The following ARAP1 variants were observed in gnomAD, a reference collection of about 807,000 sequenced individuals.
The protein encoded by ARAP1 is ArfGAP with RhoGAP domain, ankyrin repeat and PH domain 1.
Under a neutral mutation model 172.2 loss-of-function variants are expected in ARAP1, and 76 were observed. The observed-to-expected ratio is 0.44, with a 90% CI of 0.37 to 0.53. The LOEUF (loss-of-function observed/expected upper bound fraction) is 0.53, where lower values mean the gene tolerates loss of function less well. Among genes scored for constraint, ARAP1 ranks in the 20% least tolerant of loss-of-function variants. The pLI is 0.00. For synonymous variants in ARAP1, 804 were observed against 803.3 expected (o/e 1.00, Z -0.01); for missense variants, 1,686 against 1,977.5 (o/e 0.85, Z 2.80).
Position 72,693,735 on chromosome 11 carries a change from C to T in ARAP1, c.3765G>A (p.Val1255=), listed in dbSNP as rs760681026. ...CCTCCATGGCCTGGTGCTTCTTCACCACCAGGTGGCTGTCCGTGCCCAGCC... is the reference window on the plus strand; with the variant it reads ...CCTCCATGGCCTGGTGCTTCTTCACTACCAGGTGGCTGTCCGTGCCCAGCC... ...LHGLGTDSHL[V]VKKHQAMEAM... is the part of the protein sequence containing the mutation. The change falls in exon 28 of 35, where the codon GTG becomes GTA. Residue 1255 remains valine (V), a synonymous_variant. Coordinates refer to ENST00000393609, the MANE Select transcript of ARAP1 (RefSeq NM_001040118.3). This position sits in a 1 kb window ranked among gnomAD's most constrained non-coding sequence, Gnocchi z 4.6. 25 of 1,610,962 alleles carry T rather than the reference C, an allele frequency of 1.6e-5. No individual in the cohort carries two copies. The highest frequency in any genetic ancestry group is 4.0e-5 in the African/African-American group (3 of 74,846).
intron 1 of ARAP1, among the ~76,000 whole-genome samples, chr11:72,743,048 C>T (rs1858249274): frequency 6.6e-6 from 1 of 152,210 alleles, no homozygotes; most frequent in Admixed American, 6.5e-5. Flanking sequence ...ACCACTCTAT[C>T]CTAAAAAGCA....
chr11:72,693,921 G>A lies in ARAP1; in HGVS notation c.3695-116C>T. On this transcript the variant is annotated intron_variant, in intron 27 of 34. Transcript: ENST00000393609. The surrounding 1 kb of genome is among the most constrained non-coding windows in gnomAD (Gnocchi z 4.6). ...CTGTCCACTCCAACCATATGCAAGT[G>A]CCACGACACAAAACACCACCATCAT... 1.3e-6 allele frequency: 1 copy of A among 777,396 alleles called. No homozygotes were observed. The highest frequency in any genetic ancestry group is 2.9e-5 in the East Asian group (1 of 34,596). The allele number at this position is 777,396 out of a possible 1,614,324, so 48.2% of individuals were successfully genotyped here. A position where few individuals can be genotyped will look rare whatever the true frequency, so the allele number is the denominator to read the frequency against.
intron 2 of ARAP1, among the ~76,000 whole-genome samples, chr11:72,731,078 A>G (rs1857852818): frequency 1.3e-5 from 2 of 152,226 alleles, no homozygotes. Context: ...TGAACAAAGT[A>G]TCTCTGAAAA....
intron 12 of ARAP1, among the ~76,000 whole-genome samples, chr11:72,706,544 A>G (rs1352060166): frequency 6.6e-6 from 1 of 152,078 alleles, no homozygotes; most frequent in Non-Finnish European, 1.5e-5. Flanking sequence ...CTTGGGCTCA[A>G]CCCTCTCGCA....
intron 3 of ARAP1, among the ~76,000 whole-genome samples, chr11:72,720,335 A>C (rs1393036766): frequency 1.3e-5 from 2 of 151,810 alleles, no homozygotes; most frequent in Non-Finnish European, 2.9e-5. Flanking sequence ...TTCCTCCTCC[A>C]TCATGAGACC....
At chr11:72,736,891 G>A (rs1160514586) in intron 1 of ARAP1, among the ~76,000 whole-genome samples, 1 of 152,160 alleles carries the variant, frequency 6.6e-6, no homozygotes. Flanking sequence ...CCCCCAGCCA[G>A]GCTGGGCTGG....
At position 72,685,100 on chromosome 11, in the gene ARAP1, T is replaced by C. The variant is rs1855618908; in HGVS notation, c.*564A>G. 6.5e-6 allele frequency: 1 copy of C among 154,872 alleles called. No homozygotes were observed. The highest frequency in any genetic ancestry group is 2.4e-5 in the African/African-American group (1 of 41,418). The allele number at this position is 154,872 out of a possible 1,614,324, so 9.6% of individuals were successfully genotyped here. On this transcript the variant is annotated 3_prime_UTR_variant, in exon 35 of 35. Transcript: ENST00000393609. ...AAAATATACAGATATATTTATATTATCAAAAAGTCCCCAAATTGGGGAAGG... is the reference window on the plus strand; with the variant it reads ...AAAATATACAGATATATTTATATTACCAAAAAGTCCCCAAATTGGGGAAGG...
chr11:72,711,266 C>G (rs1857000323), intron 8 of ARAP1, 125 bp from the exon 9 acceptor site: 2 of 1,499,618 alleles, frequency 1.3e-6, no homozygotes, highest in East Asian at 2.3e-5. Flanking sequence ...TGTGCTGACC[C>G]TGACTGCAGC....
At chr11:72,711,577 C>T (rs1452030842) in intron 7 of ARAP1, 78 bp from the exon 8 acceptor site, 1 of 1,261,330 alleles carries the variant, frequency 7.9e-7, no homozygotes, top group Non-Finnish European at 1.1e-6. Context: ...CCCTCAGAAG[C>T]CACACTCAGA....
In ARAP1 at chr11:72,742,835, C is replaced by T. The variant is rs116198066; in HGVS notation, c.-128+9493G>A. On this transcript the variant is annotated intron_variant, in intron 1 of 34. Transcript: ENST00000393609. ...AGATCTCAAATCTGATCAGTTCTCA[C>T]TCCCCAGTGACTTGCCACCTCCCTC... is the stretch of plus-strand genomic sequence containing the variant. Among the ~76,000 whole-genome samples the T allele has an allele frequency of 7.7e-3, 1,176 of 152,316 alleles. 9 individuals are homozygous for T. Among genetic ancestry groups the T allele is most frequent in the African/African-American group, 0.027 (1,119 of 41,560 alleles).
chr11:72,696,103 C>T (rs1319601375), intron 23 of ARAP1, among the ~76,000 whole-genome samples: 1 of 151,002 alleles, frequency 6.6e-6, no homozygotes, highest in Non-Finnish European at 1.5e-5. Flanking sequence ...CAGTGGTCCC[C>T]AACAGTTCTG....
intron 1 of ARAP1, among the ~76,000 whole-genome samples, chr11:72,750,962 A>G (rs753690116): frequency 4.1e-4 from 63 of 152,248 alleles, no homozygotes; most frequent in Non-Finnish European, 8.1e-4. Context: ...GAGGATTAAC[A>G]ATCTGTACAA....
Position 72,699,009 on chromosome 11 carries a change from G to C in ARAP1, c.2537C>G (p.Ala846Gly), listed in dbSNP as rs993049774. 6.2e-7 allele frequency: 1 copy of C among 1,614,044 alleles called. No individual in the cohort carries two copies. The highest frequency in any genetic ancestry group is 8.5e-7 in the Non-Finnish European group (1 of 1,179,984). ...EQAHEWVKCI[A>G]KAFVPPLAED... Reference sequence around the variant, plus strand: ...ACCCTGCTACCCCAGGCTCACCTTAGCAATACACTTGACCCACTCATGAGC... The same window carrying C: ...ACCCTGCTACCCCAGGCTCACCTTACCAATACACTTGACCCACTCATGAGC... The change falls in exon 18 of 35, where the codon GCT becomes GGT. Residue 846 changes from alanine (A) to glycine (G), a missense_variant. Coordinates refer to ENST00000393609, the MANE Select transcript of ARAP1 (RefSeq NM_001040118.3). The surrounding 1 kb of genome is among the most constrained non-coding windows in gnomAD (Gnocchi z 4.2).
Position 72,709,956 on chromosome 11 carries a change from G to T in ARAP1, c.1437C>A (p.Gly479=), listed in dbSNP as rs140252163. The T allele has an allele frequency of 4.3e-5, 70 of 1,614,100 alleles. No homozygotes were observed. The African/African-American group carries it at 8.3e-4, about 19-fold the overall frequency. Residue 479 remains glycine (G), a synonymous_variant, in exon 11 of 35, where the codon GGC becomes GGA. Coordinates refer to ENST00000393609, the MANE Select transcript of ARAP1 (RefSeq NM_001040118.3). ...CCACGCTCATGTCGATGAAGGTGAT[G>T]CCAATGCCCAGGTGGTACTCCTGGA... ...KNLEEYHLGI[G]ITFIDMSVGN... is the part of the protein sequence containing the mutation.
chr11:72,738,290 T>A (rs2135586437), intron 1 of ARAP1, among the ~76,000 whole-genome samples: 1 of 152,316 alleles, frequency 6.6e-6, no homozygotes, highest in Middle Eastern at 3.4e-3. Flanking sequence ...CATAGTCTGC[T>A]GACCGTGTGG....
chr11:72,696,799 G>A, intron 22 of ARAP1, 145 bp from the exon 23 acceptor site: 1 of 932,024 alleles, frequency 1.1e-6, no homozygotes, highest in Non-Finnish European at 1.6e-6. Flanking sequence ...ACCAGGGTAA[G>A]GAACTCTCGG....
At chr11:72,691,236 A>G (rs1855920137) in intron 30 of ARAP1, among the ~76,000 whole-genome samples, 1 of 152,242 alleles carries the variant, frequency 6.6e-6, no homozygotes, top group African/African-American at 2.4e-5. Flanking sequence ...AACAGTAGTA[A>G]GGATTCCATG....
intron 19 of ARAP1, 43 bp downstream of exon 19, chr11:72,697,868 T>C: frequency 1.3e-6 from 2 of 1,521,898 alleles, no homozygotes; most frequent in Non-Finnish European, 1.8e-6. Flanking sequence ...GAGCCCAGGA[T>C]AGGGTGCCCT....
Position 72,693,191 on chromosome 11 carries a change from A to C in ARAP1, c.3954+134T>G. ...AGCAGGAGGGGTCTTGAGAGTCTAC[A>C]GTTCTCCCCCACTGCTGTGCCATCC... On this transcript the variant is annotated intron_variant, in intron 29 of 34. Coordinates refer to ENST00000393609, the MANE Select transcript of ARAP1 (RefSeq NM_001040118.3). The surrounding 1 kb of genome is among the most constrained non-coding windows in gnomAD (Gnocchi z 4.6). 1.5e-6 allele frequency: 2 copies of C among 1,333,588 alleles called. No homozygotes were observed. 82.6% of individuals were successfully genotyped at this position (1,333,588 alleles called of 1,614,324 possible).
Sources: gnomAD v4.1 joint callset for allele counts (sites outside exome capture counted in the v4.1 genomes callset) on GRCh38, gnomAD v4.1.1 for gene constraint, Gnocchi (gnomAD v3.1) non-coding constraint, MANE v1.5 for transcripts, NCBI Gene and HGNC (gene_info 2026-07-23, HGNC 2026-07-21) for gene names.